Variants in SOX5 observed in about 807,000 individuals in gnomAD.
SOX5 encodes the protein SRY-box transcription factor 5.
In SOX5, 9 loss-of-function variants were observed where a neutral mutation model predicts 92.0. That is an observed-to-expected ratio of 0.10 (90% CI 0.06 to 0.17). The LOEUF (loss-of-function observed/expected upper bound fraction) is 0.17, where lower values mean the gene tolerates loss of function less well. Ranked by LOEUF, SOX5 falls within the 10% of genes least tolerant of loss-of-function variation. The pLI is 1.00. For missense variants in SOX5, 642 were observed against 944.5 expected (o/e 0.68, Z 4.20); for synonymous variants, 344 against 336.3 (o/e 1.02, Z -0.25).
chr12:23,613,056 C>A (rs16926455), intron 8 of SOX5, among the ~76,000 whole-genome samples: 2,202 of 152,136 alleles, frequency 0.014, 65 homozygotes, highest in African/African-American at 0.049. Context: ...TAAACATGGA[C>A]TTTCCCTAAC....
At chr12:23,894,943 C>T (rs1008265390) in intron 2 of SOX5, among the ~76,000 whole-genome samples, 1 of 152,144 alleles carries the variant, frequency 6.6e-6, no homozygotes, top group African/African-American at 2.4e-5. Flanking sequence ...CAAGCAGCCA[C>T]ACTGAAAAGG....
At chr12:23,699,917 T>C (rs2090391563) in intron 6 of SOX5, among the ~76,000 whole-genome samples, 1 of 152,166 alleles carries the variant, frequency 6.6e-6, no homozygotes, top group South Asian at 2.1e-4. Context: ...AGGGTCCCTC[T>C]AGAAGGATTT....
At chr12:23,917,871 G>A (rs1471419576) in intron 1 of SOX5, among the ~76,000 whole-genome samples, 1 of 152,144 alleles carries the variant, frequency 6.6e-6, no homozygotes, top group Non-Finnish European at 1.5e-5. Context: ...AGTACAACAT[G>A]TTGGGAAATG....
At chr12:24,074,424 T>C (rs527704204) in intron 4 of SOX5, among the ~76,000 whole-genome samples, 1 of 151,904 alleles carries the variant, frequency 6.6e-6, no homozygotes, top group South Asian at 2.1e-4. Flanking sequence ...GTACCAGCAA[T>C]GATTATAAAA....
chr12:23,787,245 A>G (rs2095396880), intron 3 of SOX5, among the ~76,000 whole-genome samples: 1 of 152,008 alleles, frequency 6.6e-6, no homozygotes, highest in Non-Finnish European at 1.5e-5. Flanking sequence ...GGATATATGA[A>G]AGTAACTGGT....
At chr12:23,759,541 C>T (rs936865510) in intron 3 of SOX5, among the ~76,000 whole-genome samples, 1 of 152,002 alleles carries the variant, frequency 6.6e-6, no homozygotes, top group African/African-American at 2.4e-5. Flanking sequence ...TGCTAGTTTC[C>T]ACTGGTAGTT....
Position 24,439,222 on chromosome 12 carries a change from C to T in SOX5, c.-250-70583G>A, listed in dbSNP as rs370262243. ...AAAGTATTTTTAATTAAGGTATGTA[C>T]GTTCTTTATTTGGACATAATGCTAT... is the stretch of plus-strand genomic sequence containing the variant. On this transcript the variant is annotated intron_variant, in intron 1 of 4. Coordinates refer to the SOX5 transcript ENST00000446891. Among the ~76,000 whole-genome samples, 263 of 152,310 alleles carry T rather than the reference C, an allele frequency of 1.7e-3. 3 individuals are homozygous for T. The highest frequency in any genetic ancestry group is 6.1e-3 in the African/African-American group (253 of 41,562).
intron 4 of SOX5, among the ~76,000 whole-genome samples, chr12:24,045,907 T>G (rs1414003114): frequency 6.6e-6 from 1 of 152,200 alleles, no homozygotes; most frequent in Non-Finnish European, 1.5e-5. Context: ...TCCATAGCTC[T>G]TATGTGTCTC....
intron 1 of SOX5, among the ~76,000 whole-genome samples, chr12:24,531,857 G>A (rs572630945): frequency 1.1e-4 from 17 of 152,258 alleles, no homozygotes; most frequent in Admixed American, 9.2e-4. Flanking sequence ...AAAAGAGTAC[G>A]CCTCAGGCTC....
intron 2 of SOX5, among the ~76,000 whole-genome samples, chr12:23,856,495 T>A (rs2096691121): frequency 6.6e-6 from 1 of 152,116 alleles, no homozygotes; most frequent in Non-Finnish European, 1.5e-5. Context: ...TTATTGCTAT[T>A]TAACATATGA....
chr12:23,763,909 A>G (rs1325360626), intron 3 of SOX5, among the ~76,000 whole-genome samples: 1 of 152,146 alleles, frequency 6.6e-6, no homozygotes, highest in Non-Finnish European at 1.5e-5. Flanking sequence ...TTAACTTTTA[A>G]TAAAAATGGG....
At position 23,568,612 on chromosome 12, in the gene SOX5, G is replaced by T. The variant is rs148309732; in HGVS notation, c.1343-5209C>A. Among the ~76,000 whole-genome samples the T allele has an allele frequency of 8.5e-5, 13 of 152,160 alleles. No individual in the cohort carries two copies. In the East Asian group the frequency reaches 2.5e-3, roughly 29 times the overall value. ...AATTCATCATCTTTCCATGGCCTCA[G>T]TCCCCTCTTTCTATATTCCATAGAC... On this transcript the variant is annotated intron_variant, in intron 10 of 14. Coordinates refer to ENST00000451604, the MANE Select transcript of SOX5 (RefSeq NM_006940.6).
intron 11 of SOX5, among the ~76,000 whole-genome samples, chr12:23,555,843 A>G (rs1417923056): frequency 6.6e-6 from 1 of 152,184 alleles, no homozygotes; most frequent in Non-Finnish European, 1.5e-5. Context: ...AATACCCCCA[A>G]AAAGAAAAGA....
chr12:24,157,175 C>T (rs1188179394), intron 4 of SOX5, among the ~76,000 whole-genome samples: 3 of 151,988 alleles, frequency 2.0e-5, no homozygotes, highest in East Asian at 1.9e-4. Flanking sequence ...TCTATGGTAT[C>T]GTGGCATTCC....
intron 2 of SOX5, among the ~76,000 whole-genome samples, chr12:24,350,094 T>C (rs1231726610): frequency 6.6e-6 from 1 of 152,188 alleles, no homozygotes; most frequent in Non-Finnish European, 1.5e-5. Context: ...TCTGAAATGG[T>C]TTTGATGTAG....
intron 6 of SOX5, among the ~76,000 whole-genome samples, chr12:23,685,334 C>A (rs1201899963): frequency 6.6e-6 from 1 of 151,960 alleles, no homozygotes; most frequent in Non-Finnish European, 1.5e-5. Flanking sequence ...TAGTAAACAG[C>A]AAAGTTCTGG....
chr12:23,923,855 T>C (rs1939173758), intron 1 of SOX5, among the ~76,000 whole-genome samples: 1 of 152,190 alleles, frequency 6.6e-6, no homozygotes, highest in African/African-American at 2.4e-5. Flanking sequence ...CAAAAGCCTA[T>C]ACAACCTCTA....
At chr12:24,473,685 A>G (rs1222660420) in intron 1 of SOX5, among the ~76,000 whole-genome samples, 1 of 152,246 alleles carries the variant, frequency 6.6e-6, no homozygotes, top group Non-Finnish European at 1.5e-5. Flanking sequence ...GAATCCGAGT[A>G]CAGGTGTAAG....
intron 2 of SOX5, among the ~76,000 whole-genome samples, chr12:23,852,205 A>C (rs1336808425): frequency 6.6e-6 from 1 of 152,166 alleles, no homozygotes; most frequent in East Asian, 1.9e-4. Context: ...ATCTACGGAA[A>C]GCTCTAATTT....
Sources: gnomAD v4.1 joint callset for allele counts (sites outside exome capture counted in the v4.1 genomes callset) on GRCh38, gnomAD v4.1.1 for gene constraint, MANE v1.5 for transcripts, NCBI Gene and HGNC (gene_info 2026-07-23, HGNC 2026-07-21) for gene names.